CTBP2: variants seen among roughly 807,000 people sequenced by gnomAD.
CTBP2 encodes the protein C-terminal-binding protein 2.
In CTBP2, 30 loss-of-function variants were observed where a neutral mutation model predicts 80.3. The ratio of observed to expected loss-of-function variants is 0.37; its 90% confidence interval spans 0.28 to 0.51. The LOEUF (loss-of-function observed/expected upper bound fraction) is 0.51, where lower values mean the gene tolerates loss of function less well. Among genes scored for constraint, CTBP2 ranks in the 20% least tolerant of loss-of-function variants. The pLI, the probability that CTBP2 is intolerant of heterozygous loss-of-function variation, is 0.93. For missense variants in CTBP2, 1,212 were observed against 1,375.3 expected, an observed-to-expected ratio of 0.88 and a Z score of 1.88; for synonymous variants, 594 against 587.4, an observed-to-expected ratio of 1.01 and a Z score of -0.16.
chr10:125,027,164 C>G lies in CTBP2; in HGVS notation c.596G>C (p.Gly199Ala). 6.2e-7 allele frequency: 1 copy of G among 1,605,360 alleles called. No individual in the cohort carries two copies. Among genetic ancestry groups the G allele is most frequent in the Non-Finnish European group, 8.5e-7 (1 of 1,173,656 alleles). ...GAGGGGGTAGGCAGGCACCTCCGCC[C>G]CATACCTGGTGTCGGGCTGCTCCCG... Residue 199 changes from glycine to alanine, a missense_variant, in exon 1 of 9, where the codon GGG becomes GCG. Gly to Ala is a moderately conservative substitution (Grantham distance 60). This residue lies in a region of CTBP2 where 848 missense variants were observed against 782.3 expected (regional missense o/e 1.08). Coordinates refer to ENST00000309035, the MANE Select transcript of CTBP2 (RefSeq NM_022802.3).
At chr10:125,064,440 G>A (rs531043288) in intron 2 of CTBP2, among the ~76,000 whole-genome samples, 4 of 152,248 alleles carry the variant, frequency 2.6e-5, no homozygotes, top group African/African-American at 4.8e-5. Context: ...GGGAAACAGC[G>A]TTCTTGGTGA....
chr10:125,074,553 C>T (rs997121402), intron 2 of CTBP2, among the ~76,000 whole-genome samples: 3 of 152,264 alleles, frequency 2.0e-5, no homozygotes, highest in Non-Finnish European at 2.9e-5. Context: ...GGGGTTTCAC[C>T]GTGGCTGGTC....
intron 2 of CTBP2, among the ~76,000 whole-genome samples, chr10:125,094,268 G>A (rs1338448819): frequency 6.6e-6 from 1 of 152,120 alleles, no homozygotes; most frequent in African/African-American, 2.4e-5. Flanking sequence ...ATCCCAACAT[G>A]TCACCCTGAC....
At chr10:125,114,940 T>C (rs1285886257) in intron 1 of CTBP2, among the ~76,000 whole-genome samples, 1 of 152,162 alleles carries the variant, frequency 6.6e-6, no homozygotes, top group Admixed American at 6.5e-5. Context: ...TCTAGTGATA[T>C]TTCTGCCATC....
At chr10:124,992,127 G>A (rs937697467) in intron 8 of CTBP2, among the ~76,000 whole-genome samples, 13 of 149,912 alleles carry the variant, frequency 8.7e-5, no homozygotes, top group Admixed American at 4.0e-4. Flanking sequence ...GTGGACATAA[G>A]ATTCAAATTG....
intron 2 of CTBP2, among the ~76,000 whole-genome samples, chr10:125,102,184 G>C (rs540561686): frequency 6.6e-6 from 1 of 152,198 alleles, no homozygotes; most frequent in South Asian, 2.1e-4. Context: ...GGCATAGTTT[G>C]TCCAAGGTCA....
At chr10:125,022,148 C>T (rs1394354651) in intron 1 of CTBP2, among the ~76,000 whole-genome samples, 1 of 152,214 alleles carries the variant, frequency 6.6e-6, no homozygotes, top group Non-Finnish European at 1.5e-5. Context: ...CTCCCCTGGC[C>T]CCAGTCTGGC....
chr10:124,994,689 C>G lies in CTBP2; in HGVS notation c.2186-6G>C. On this transcript the variant is annotated splice_polypyrimidine_tract_variant and splice_region_variant and intron_variant, in intron 4 of 8. Transcript: ENST00000309035. ...AACCGCCTGCCCCGTGCGACCTGTA[C>G]AGAAACAGAGCGTCCAGGTGAGTGA... 6.2e-7 allele frequency: 1 copy of G among 1,614,148 alleles called. No homozygotes were observed. Among genetic ancestry groups the G allele is most frequent in the Non-Finnish European group, 8.5e-7 (1 of 1,179,980 alleles).
chr10:125,140,616 A>C (rs1036174533), intron 1 of CTBP2, among the ~76,000 whole-genome samples: 12 of 152,128 alleles, frequency 7.9e-5, no homozygotes. Context: ...TGAGGTCAGG[A>C]GTTCGAGACC....
Position 124,985,202 on chromosome 10 carries a change from TAA to T in CTBP2, c.*4314_*4315del. The T allele has an allele frequency of 2.2e-6, 1 of 464,234 alleles. No homozygotes were observed. Among genetic ancestry groups the T allele is most frequent in the Non-Finnish European group, 3.8e-6 (1 of 263,874 alleles). 28.8% of individuals were successfully genotyped at this position (464,234 alleles called of 1,614,324 possible). On this transcript the variant is annotated 3_prime_UTR_variant, in exon 9 of 9. Coordinates refer to ENST00000309035, the MANE Select transcript of CTBP2 (RefSeq NM_022802.3). Reference sequence around the variant, plus strand: ...AGAACTTTAGTTGGACTACAGTTTGTAAAAAAAACTAATTTTATTAAGACAGA... The same window carrying T: ...AGAACTTTAGTTGGACTACAGTTTGTAAAAAACTAATTTTATTAAGACAGA...
At chr10:125,129,143 G>A (rs1855742401) in intron 1 of CTBP2, among the ~76,000 whole-genome samples, 1 of 152,102 alleles carries the variant, frequency 6.6e-6, no homozygotes, top group Non-Finnish European at 1.5e-5. Flanking sequence ...GTATTATGTA[G>A]TATTACATGA....
chr10:125,031,488 C>CAAAAAA (rs11463934), upstream of CTBP2, among the ~76,000 whole-genome samples: 27 of 33,696 alleles, frequency 8.0e-4, 2 homozygotes, highest in East Asian at 3.4e-3. Context: ...GACTCCATTT[C>CAAAAAA]AAAAAAAAAA....
chr10:125,012,941 G>T (rs1956092190), intron 1 of CTBP2, among the ~76,000 whole-genome samples: 1 of 152,196 alleles, frequency 6.6e-6, no homozygotes. Context: ...TGTTCACCCT[G>T]GTGAACTCAG....
At chr10:125,149,461 C>T (rs1163926829) in intron 1 of CTBP2, among the ~76,000 whole-genome samples, 3 of 152,130 alleles carry the variant, frequency 2.0e-5, no homozygotes, top group South Asian at 2.1e-4. Context: ...GCCAGGACAC[C>T]GGGACTCACA....
At chr10:125,013,404 G>A (rs1215590685) in intron 1 of CTBP2, among the ~76,000 whole-genome samples, 2 of 152,232 alleles carry the variant, frequency 1.3e-5, no homozygotes, top group Non-Finnish European at 1.5e-5. Flanking sequence ...TTGTAAAATA[G>A]TCTCGTGCGG....
chr10:125,017,418 T>C (rs1956605685), intron 1 of CTBP2, among the ~76,000 whole-genome samples: 1 of 152,214 alleles, frequency 6.6e-6, no homozygotes, highest in Admixed American at 6.5e-5. Flanking sequence ...CCTCTTTCTT[T>C]GGTTGCTAGG....
rs538774159 is a variant in CTBP2, at chr10:125,052,000, GACT to G, written c.-101-12848_-101-12846del. Among the ~76,000 whole-genome samples the G allele has an allele frequency of 1.4e-4, 22 of 152,270 alleles. No individual in the cohort carries two copies. In the East Asian group the frequency reaches 4.2e-3, roughly 29 times the overall value. On this transcript the variant is annotated intron_variant, in intron 2 of 10. Transcript: ENST00000337195. ...GCACCCCTGCGGATGCCTTATCTCA[GACT>G]TCCAGCCTCTAGAACTCTGAGAAAA...
chr10:125,026,156 T>TGAGG lies in CTBP2; in HGVS notation c.1600_1603dup (p.His535ProfsTer68). The TGAGG allele has an allele frequency of 6.2e-7, 1 of 1,608,618 alleles. No individual in the cohort carries two copies. The highest frequency in any genetic ancestry group is 8.5e-7 in the Non-Finnish European group (1 of 1,176,038). The stretch of plus-strand genomic sequence containing the variant: ...CCGGGCCACCTTCTGGTACGGTGAG[T>TGAGG]GAGGCGTGTGGAGGCTCTGGCTGGC... On this transcript the variant is annotated frameshift_variant, in exon 1 of 9. Coordinates refer to ENST00000309035, the MANE Select transcript of CTBP2 (RefSeq NM_022802.3). LOFTEE classifies it high-confidence loss of function.
Position 125,013,017 on chromosome 10 carries a change from C to A in CTBP2, c.1679-9525G>T, listed in dbSNP as rs1956102449. ...TCCTTGGGAGGTGCCCACCTCGCCT[C>A]TCCAAGCTGCCAGCCAGCAGCAAAG... On this transcript the variant is annotated intron_variant, in intron 1 of 8. Coordinates refer to ENST00000309035, the MANE Select transcript of CTBP2 (RefSeq NM_022802.3). 2.6e-5 allele frequency among the ~76,000 whole-genome samples: 4 copies of A among 152,344 alleles called. No individual in the cohort carries two copies. In the South Asian group the frequency reaches 8.3e-4, roughly 32 times the overall value.
Sources: gnomAD v4.1 joint callset for allele counts (sites outside exome capture counted in the v4.1 genomes callset) on GRCh38, gnomAD v4.1.1 for gene constraint, gnomAD v4.1.1 regional missense constraint, MANE v1.5 for transcripts, NCBI Gene and HGNC (gene_info 2026-07-23, HGNC 2026-07-21) for gene names.